The following AMPH variants were observed in gnomAD, a reference collection of about 807,000 sequenced individuals.
The protein encoded by AMPH is amphiphysin (Stiff-Mann syndrome with breast cancer 128kD autoantigen).
AMPH carries 49 observed loss-of-function variants against 99.1 expected under a neutral mutation model. That is an observed-to-expected ratio of 0.49 (90% CI 0.39 to 0.63). The LOEUF (loss-of-function observed/expected upper bound fraction) is 0.63, where lower values mean the gene tolerates loss of function less well. Ranked by LOEUF, AMPH falls within the 20% of genes least tolerant of loss-of-function variation. AMPH has a pLI of 0.00. For synonymous variants in AMPH, 314 were observed against 317.3 expected, an observed-to-expected ratio of 0.99 and a Z score of 0.11; for missense variants, 759 against 863.4, an observed-to-expected ratio of 0.88 and a Z score of 1.52.
chr7:38,595,259 C>G (rs914993836), intron 1 of AMPH, among the ~76,000 whole-genome samples: 1 of 152,200 alleles, frequency 6.6e-6, no homozygotes, highest in African/African-American at 2.4e-5. Context: ...ACAGCTCCCC[C>G]TTTCCCTCAG....
chr7:38,601,679 A>G (rs190458873), intron 1 of AMPH, among the ~76,000 whole-genome samples: 2 of 152,336 alleles, frequency 1.3e-5, no homozygotes, highest in Admixed American at 1.3e-4. Context: ...ATGGAATGGA[A>G]AGACTAGGAC....
At chr7:38,394,980 T>A (rs1250500609) in intron 17 of AMPH, among the ~76,000 whole-genome samples, 2 of 152,202 alleles carry the variant, frequency 1.3e-5, no homozygotes, top group Non-Finnish European at 2.9e-5. Context: ...CTCGTGTCTC[T>A]TTTTCCTGGG....
chr7:38,602,164 C>T (rs768449087), intron 1 of AMPH, among the ~76,000 whole-genome samples: 2 of 152,174 alleles, frequency 1.3e-5, no homozygotes, highest in South Asian at 2.1e-4. Context: ...GCACCACAGA[C>T]GCCAATAAGG....
intron 17 of AMPH, among the ~76,000 whole-genome samples, chr7:38,398,815 C>T (rs1217477724): frequency 1.3e-5 from 2 of 151,972 alleles, no homozygotes; most frequent in Non-Finnish European, 2.9e-5. Flanking sequence ...TAAATATATC[C>T]ACCCCCTACG....
At chr7:38,433,519 A>G (rs1182862535) in intron 12 of AMPH, among the ~76,000 whole-genome samples, 4 of 151,568 alleles carry the variant, frequency 2.6e-5, no homozygotes, top group African/African-American at 9.7e-5. Flanking sequence ...AGGTCAGGAG[A>G]TCGAGACCAT....
At chr7:38,594,760 A>T (rs116373555) in intron 1 of AMPH, among the ~76,000 whole-genome samples, 2,626 of 152,250 alleles carry the variant, frequency 0.017, 76 homozygotes, top group African/African-American at 0.06. Context: ...CAAACAAACA[A>T]ATCTGCATCC....
In AMPH at chr7:38,421,790, T is replaced by C. The variant is rs144795350; in HGVS notation, c.1272+631A>G. Among the ~76,000 whole-genome samples the C allele has an allele frequency of 1.8e-3, 277 of 152,298 alleles. 1 individual carries two copies. The highest frequency in any genetic ancestry group is 6.5e-3 in the African/African-American group (269 of 41,562). On this transcript the variant is annotated intron_variant, in intron 16 of 20. Coordinates refer to ENST00000356264, the MANE Select transcript of AMPH (RefSeq NM_001635.4). Reference sequence around the variant, plus strand: ...AGCAATGACATGCTCAAAAGTGATATCTCTTAAGGTCTCTTCATTCATCTT... The same window carrying C: ...AGCAATGACATGCTCAAAAGTGATACCTCTTAAGGTCTCTTCATTCATCTT...
At chr7:38,566,050 A>T (rs1791730895) in intron 1 of AMPH, among the ~76,000 whole-genome samples, 1 of 152,162 alleles carries the variant, frequency 6.6e-6, no homozygotes. Flanking sequence ...TTTCTTCCTA[A>T]GTCCCCCACC....
chr7:38,494,628 T>TATTTAAGGAA (rs1788858762), intron 3 of AMPH, 101 bp from the exon 4 acceptor site: 7 of 1,025,364 alleles, frequency 6.8e-6, no homozygotes, highest in African/African-American at 1.6e-5. Context: ...TTGTACTTGC[T>TATTTAAGGAA]AAACATTTAA....
rs1787432477 is a variant in AMPH at position 38,461,302 on chromosome 7, C to T, written c.998G>A (p.Ser333Asn). 1.9e-6 allele frequency: 3 copies of T among 1,613,878 alleles called. No individual in the cohort carries two copies. In the African/African-American group the frequency reaches 4.0e-5, roughly 22 times the overall value. Residue 333 changes from serine to asparagine, a missense_variant, in exon 11 of 21, where the codon AGT becomes AAT. Around this residue, in one of 2 missense-constraint regions of AMPH, gnomAD observed 554 missense variants for 575.6 expected, o/e 0.96. Transcript: ENST00000356264. ...ACTTACCTGGGAAGGTGTTGTCACACTGATTTCTGGAACAAAGTTGTCCTC... is the reference window on the plus strand; with the variant it reads ...ACTTACCTGGGAAGGTGTTGTCACATTGATTTCTGGAACAAAGTTGTCCTC... Reference protein sequence around the residue: ...FFEDNFVPEISVTTPSQNEVP... With the variant: ...FFEDNFVPEINVTTPSQNEVP...
intron 1 of AMPH, among the ~76,000 whole-genome samples, chr7:38,561,674 T>C (rs961545747): frequency 7.2e-5 from 11 of 152,198 alleles, no homozygotes; most frequent in African/African-American, 2.4e-4. Flanking sequence ...GAAATTCATA[T>C]GTTGAAACCC....
chr7:38,518,854 G>A (rs986169858), intron 2 of AMPH, among the ~76,000 whole-genome samples: 2 of 152,132 alleles, frequency 1.3e-5, no homozygotes, highest in Non-Finnish European at 2.9e-5. Context: ...GAGTTTTGAG[G>A]GACCAGGAAG....
At chr7:38,489,832 G>GT (rs1562787551) in intron 5 of AMPH, among the ~76,000 whole-genome samples, 1 of 152,052 alleles carries the variant, frequency 6.6e-6, no homozygotes, top group Non-Finnish European at 1.5e-5. Context: ...TAATTAATGG[G>GT]TATAAAATTT....
chr7:38,461,236 C>T (rs776603891), intron 11 of AMPH, 47 bp downstream of exon 11: 16 of 1,608,404 alleles, frequency 9.9e-6, no homozygotes, highest in Non-Finnish European at 6.8e-6. Context: ...AGAGTCCTTC[C>T]ACCATGGGAC....
chr7:38,428,648 A>C lies in AMPH; in HGVS notation c.1182+1194T>G, dbSNP rs546458624. The C allele has an allele frequency of 9.4e-4, 431 of 456,662 alleles. 2 individuals carry two copies. Among genetic ancestry groups the C allele is most frequent in the Middle Eastern group, 6.8e-3 (21 of 3,076 alleles). The allele number at this position is 456,662 out of a possible 1,614,324, so 28.3% of individuals were successfully genotyped here. A position where few individuals can be genotyped will look rare whatever the true frequency, so the allele number is the denominator to read the frequency against. On this transcript the variant is annotated intron_variant, in intron 14 of 20. Coordinates refer to ENST00000356264, the MANE Select transcript of AMPH (RefSeq NM_001635.4). Reference sequence around the variant, plus strand: ...CCCATCCCTCAGGGCTGCCATCTTCAATATTAGATACAGAGTAGGTCTGGA... The same window carrying C: ...CCCATCCCTCAGGGCTGCCATCTTCCATATTAGATACAGAGTAGGTCTGGA...
At chr7:38,606,272 G>C (rs906835798) in intron 1 of AMPH, among the ~76,000 whole-genome samples, 5 of 152,082 alleles carry the variant, frequency 3.3e-5, no homozygotes, top group African/African-American at 9.7e-5. Flanking sequence ...GTAACTCAGG[G>C]GTATTTAGTG....
At chr7:38,588,250 G>A (rs1792737491) in intron 1 of AMPH, among the ~76,000 whole-genome samples, 1 of 152,134 alleles carries the variant, frequency 6.6e-6, no homozygotes. Flanking sequence ...ACCACGCCTG[G>A]CCTTATTAAT....
rs113995205 is a variant in AMPH, at chr7:38,583,590, T to C, written c.69+47693A>G. On this transcript the variant is annotated intron_variant, in intron 1 of 20. Transcript: ENST00000356264. Reference sequence around the variant, plus strand: ...TGAGGATGAACCCCTCTGTACAGGATAGACATATTCTATCAGGTATTTATT... The same window carrying C: ...TGAGGATGAACCCCTCTGTACAGGACAGACATATTCTATCAGGTATTTATT... Among the ~76,000 whole-genome samples, 1,378 of 152,326 alleles carry C rather than the reference T, an allele frequency of 9.0e-3. 29 individuals are homozygous for C. Among genetic ancestry groups the C allele is most frequent in the African/African-American group, 0.032 (1,327 of 41,560 alleles).
At chr7:38,428,726 T>C (rs1410677064) in intron 14 of AMPH, 2 of 456,914 alleles carry the variant, frequency 4.4e-6, no homozygotes, top group Non-Finnish European at 8.8e-6. Flanking sequence ...CAAAGCCTTC[T>C]ATCATTCCAC....
Sources: allele counts gnomAD v4.1 joint callset (sites outside exome capture counted in the v4.1 genomes callset), GRCh38; gene constraint gnomAD v4.1.1; regional missense constraint gnomAD v4.1.1; transcripts MANE v1.5; gene names NCBI Gene and HGNC (gene_info 2026-07-23, HGNC 2026-07-21).